Variants in AGBL4 observed in about 807,000 individuals in gnomAD.
The protein encoded by AGBL4 is AGBL carboxypeptidase 4, also known as cytosolic carboxypeptidase 6.
A neutral mutation model predicts 66.4 loss-of-function variants in AGBL4; 58 were observed. That is an observed-to-expected ratio of 0.87 (90% confidence interval 0.71 to 1.09). The LOEUF is 1.09. AGBL4 is among the 50% of genes least tolerant of loss of function. AGBL4 has a pLI of 0.00. For missense variants in AGBL4, 579 were observed against 631.0 expected (o/e 0.92, Z 0.88); for synonymous variants, 234 against 222.9 (o/e 1.05, Z -0.44).
intron 2 of AGBL4, among the ~76,000 whole-genome samples, chr1:49,743,543 C>T (rs1650724343): frequency 6.6e-6 from 1 of 152,128 alleles, no homozygotes; most frequent in African/African-American, 2.4e-5. Context: ...CCCAGACATC[C>T]CATTACTGGG....
At chr1:49,694,498 T>C (rs1646947409) in intron 3 of AGBL4, among the ~76,000 whole-genome samples, 1 of 152,150 alleles carries the variant, frequency 6.6e-6, no homozygotes. Context: ...AACATGTTCA[T>C]GATTTCTAAT....
intron 3 of AGBL4, among the ~76,000 whole-genome samples, chr1:49,416,785 G>A (rs1454339734): frequency 6.6e-6 from 1 of 152,020 alleles, no homozygotes; most frequent in Non-Finnish European, 1.5e-5. Context: ...GTATGGCCTG[G>A]AATTGAGTAA....
intron 4 of AGBL4, among the ~76,000 whole-genome samples, chr1:49,113,531 C>T (rs2148026155): frequency 6.6e-6 from 1 of 152,220 alleles, no homozygotes; most frequent in African/African-American, 2.4e-5. Flanking sequence ...GGGCTTACAG[C>T]CATGAGCCAC....
chr1:49,880,660 A>G (rs1352285132), intron 1 of AGBL4, among the ~76,000 whole-genome samples: 3 of 152,140 alleles, frequency 2.0e-5, no homozygotes, highest in Admixed American at 1.3e-4. Flanking sequence ...GAGGCAGGCA[A>G]GCCTCCTTGA....
At chr1:48,633,447 T>C (rs767696726) in intron 9 of AGBL4, among the ~76,000 whole-genome samples, 4 of 152,178 alleles carry the variant, frequency 2.6e-5, no homozygotes, top group Non-Finnish European at 5.9e-5. Flanking sequence ...ACAGCAGTCA[T>C]GGGTCATAAA....
chr1:48,847,582 A>T (rs1646949065), intron 6 of AGBL4, among the ~76,000 whole-genome samples: 2 of 152,152 alleles, frequency 1.3e-5, no homozygotes, highest in Non-Finnish European at 2.9e-5. Flanking sequence ...AATAAAACGT[A>T]TAGTACCTAG....
intron 2 of AGBL4, among the ~76,000 whole-genome samples, chr1:49,740,082 C>G (rs1224818368): frequency 6.6e-6 from 1 of 152,104 alleles, no homozygotes; most frequent in South Asian, 2.1e-4. Flanking sequence ...GCTAAATGCT[C>G]CAATTAAAAG....
intron 3 of AGBL4, among the ~76,000 whole-genome samples, chr1:49,649,808 C>G (rs1343162): frequency 2.6e-5 from 4 of 151,802 alleles, no homozygotes; most frequent in Admixed American, 2.6e-4. Flanking sequence ...CTGGCCACAA[C>G]GGAATGAAAC....
intron 1 of AGBL4, among the ~76,000 whole-genome samples, chr1:50,006,529 G>A (rs1661144973): frequency 1.3e-5 from 2 of 151,848 alleles, no homozygotes; most frequent in African/African-American, 4.8e-5. Flanking sequence ...AAAGGTCAAG[G>A]ATAAAGAAAG....
At chr1:48,579,821 G>T (rs1481883846) in intron 11 of AGBL4, among the ~76,000 whole-genome samples, 1 of 150,532 alleles carries the variant, frequency 6.6e-6, no homozygotes, top group African/African-American at 2.4e-5. Context: ...AGGAGGCTGA[G>T]GCAGGAGAAT....
At chr1:48,910,342 A>G (rs1012870717) in intron 5 of AGBL4, among the ~76,000 whole-genome samples, 38 of 152,330 alleles carry the variant, frequency 2.5e-4, no homozygotes, top group African/African-American at 8.9e-4. Flanking sequence ...GACTCTCTAA[A>G]ATAATCTTCC....
intron 5 of AGBL4, among the ~76,000 whole-genome samples, chr1:49,043,689 G>C (rs150289879): frequency 3.3e-5 from 5 of 152,280 alleles, no homozygotes; most frequent in Middle Eastern, 3.4e-3. Context: ...ATAGGCAACA[G>C]ATACAAATGG....
chr1:49,479,378 G>C (rs1048901035), intron 3 of AGBL4, among the ~76,000 whole-genome samples: 3 of 151,666 alleles, frequency 2.0e-5, no homozygotes, highest in African/African-American at 7.3e-5. Flanking sequence ...TTGGGGGGTT[G>C]GTCATAAAAA....
chr1:49,406,065 G>A (rs1458149886), intron 3 of AGBL4, among the ~76,000 whole-genome samples: 1 of 152,190 alleles, frequency 6.6e-6, no homozygotes, highest in African/African-American at 2.4e-5. Context: ...TAGCAGCAAT[G>A]TATTCCCTAA....
chr1:48,594,324 C>CAATA (rs926107421), intron 9 of AGBL4, among the ~76,000 whole-genome samples: 191 of 152,092 alleles, frequency 1.3e-3, no homozygotes, highest in Non-Finnish European at 2.0e-3. Flanking sequence ...AACTCCATCT[C>CAATA]AATAAATAAA....
chr1:49,124,521 A>G (rs1317788021), intron 4 of AGBL4, among the ~76,000 whole-genome samples: 2 of 152,236 alleles, frequency 1.3e-5, no homozygotes, highest in African/African-American at 2.4e-5. Context: ...TAGAGGCTTT[A>G]CAAGGGCAGC....
Position 49,323,347 on chromosome 1 carries a change from T to A in AGBL4, c.283-77483A>T, listed in dbSNP as rs538863013. 5.9e-5 allele frequency among the ~76,000 whole-genome samples: 9 copies of A among 151,854 alleles called. No homozygotes were observed. The South Asian group carries it at 1.7e-3, about 28-fold the overall frequency. ...GCCAGGCTGGAGTGCAGTGGCACCA[T>A]CTCAGCTCACTGCAACCCCCGCCTC... On this transcript the variant is annotated intron_variant, in intron 3 of 13. Transcript: ENST00000371839.
intron 5 of AGBL4, among the ~76,000 whole-genome samples, chr1:48,891,101 A>T (rs1650910772): frequency 6.6e-6 from 1 of 152,174 alleles, no homozygotes; most frequent in African/African-American, 2.4e-5. Context: ...AAAGAAATAC[A>T]TTTCTTACAT....
At chr1:49,302,925 C>G (rs979484755) in intron 3 of AGBL4, among the ~76,000 whole-genome samples, 1 of 151,830 alleles carries the variant, frequency 6.6e-6, no homozygotes, top group African/African-American at 2.4e-5. Context: ...TTTGGTTTTC[C>G]GTTCCTGTGT....
Sources: gnomAD v4.1 joint callset for allele counts (sites outside exome capture counted in the v4.1 genomes callset) on GRCh38, gnomAD v4.1.1 for gene constraint, MANE v1.5 for transcripts, NCBI Gene and HGNC (gene_info 2026-07-23, HGNC 2026-07-21) for gene names.